Variants in MTM1 observed in about 807,000 individuals in gnomAD.
MTM1 encodes myotubularin 1.
MTM1 carries 9 observed loss-of-function variants against 52.1 expected under a neutral mutation model. That is an observed-to-expected ratio of 0.17 (90% CI 0.10 to 0.30). MTM1 has a LOEUF of 0.30. Ranked by LOEUF, MTM1 falls within the 10% of genes least tolerant of loss-of-function variation. The pLI is 1.00. For synonymous variants in MTM1, 136 were observed against 163.8 expected (o/e 0.83, Z 1.29); for missense variants, 277 against 470.7 (o/e 0.59, Z 3.81).
At chrX:150,590,953 C>A in intron 1 of MTM1, 1 of 572,060 alleles carries the variant, frequency 1.7e-6, no homozygotes, top group Non-Finnish European at 2.1e-6. Flanking sequence ...AATTTCAGAG[C>A]AGATACATCT....
At chrX:150,577,609 A>G (rs1442077587) in intron 1 of MTM1, among the ~76,000 whole-genome samples, 1 of 112,054 alleles carries the variant, frequency 8.9e-6, no homozygotes, top group Non-Finnish European at 1.9e-5. Flanking sequence ...TCTTTTGCCC[A>G]TTTCTTATTA....
chrX:150,654,803 C>T (rs781920873), intron 10 of MTM1, among the ~76,000 whole-genome samples: 31 of 111,575 alleles, frequency 2.8e-4, no homozygotes, highest in African/African-American at 1.0e-3. Flanking sequence ...TTAAAATAAG[C>T]GAATTTCCAT....
rs192705538 is a variant in MTM1 at position 150,664,874 on chromosome X, A to T, written c.1644+1265A>T. 3.0e-3 allele frequency among the ~76,000 whole-genome samples: 332 copies of T among 112,310 alleles called. 1 individual carries two copies. The highest frequency in any genetic ancestry group is 0.018 in the Middle Eastern group (4 of 217). ...GAGAAAGTACGGACAGTTTTTGTGTAAGTCCTGTAATCTCTTCTCACCCAT... is the reference window on the plus strand; with the variant it reads ...GAGAAAGTACGGACAGTTTTTGTGTTAGTCCTGTAATCTCTTCTCACCCAT... On this transcript the variant is annotated intron_variant, in intron 14 of 14. Transcript: ENST00000370396.
At chrX:150,638,633 C>T (rs1315838446) in intron 6 of MTM1, among the ~76,000 whole-genome samples, 1 of 111,458 alleles carries the variant, frequency 9.0e-6, no homozygotes, top group Non-Finnish European at 1.9e-5. Flanking sequence ...ATTGCTAATA[C>T]TGTTTAAAAT....
At chrX:150,581,153 G>T (rs2038576503) in intron 1 of MTM1, among the ~76,000 whole-genome samples, 1 of 112,019 alleles carries the variant, frequency 8.9e-6, no homozygotes, top group African/African-American at 3.2e-5. Flanking sequence ...GGGCACCGGT[G>T]CTGTATGGAG....
At chrX:150,657,643 C>G (rs1327446334) in intron 10 of MTM1, among the ~76,000 whole-genome samples, 178 bp from the exon 11 acceptor site, 4 of 111,261 alleles carry the variant, frequency 3.6e-5, no homozygotes, top group East Asian at 2.8e-4. Context: ...GAAAAGAAAA[C>G]AAATGCAGCG....
intron 2 of MTM1, among the ~76,000 whole-genome samples, chrX:150,592,879 C>T (rs12558776): frequency 0.011 from 1,235 of 108,064 alleles, 9 homozygotes; most frequent in Non-Finnish European, 0.018. Flanking sequence ...AGTCTCGCTC[C>T]GTAGCCCAGG....
chrX:150,570,964 ATAAT>A (rs1447626111), intron 1 of MTM1, among the ~76,000 whole-genome samples: 3 of 112,402 alleles, frequency 2.7e-5, no homozygotes, highest in Admixed American at 9.4e-5. Flanking sequence ...GGTCTGAAAA[ATAAT>A]TAAAGTTACA....
At chrX:150,635,961 A>G (rs2039747728) in intron 6 of MTM1, among the ~76,000 whole-genome samples, 1 of 112,145 alleles carries the variant, frequency 8.9e-6, no homozygotes, top group African/African-American at 3.2e-5. Flanking sequence ...TTAATATTAG[A>G]TGTGTTGCTA....
intron 10 of MTM1, 37 bp from the exon 11 acceptor site, chrX:150,657,784 A>G: frequency 8.7e-7 from 1 of 1,153,761 alleles, no homozygotes; most frequent in Non-Finnish European, 1.2e-6. Context: ...GCAGTATCTT[A>G]TAACTCCCTA....
At chrX:150,644,610 G>T (rs1166143413) in intron 8 of MTM1, among the ~76,000 whole-genome samples, 1 of 111,625 alleles carries the variant, frequency 9.0e-6, no homozygotes, top group Non-Finnish European at 1.9e-5. Context: ...ACATGATTAA[G>T]CTTCTTTCGT....
At chrX:150,613,711 C>T (rs2039332408) in intron 4 of MTM1, among the ~76,000 whole-genome samples, 2 of 111,895 alleles carry the variant, frequency 1.8e-5, no homozygotes, top group Admixed American at 9.5e-5. Flanking sequence ...TGAGATGATG[C>T]GTGCAAAGCC....
At chrX:150,583,705 T>C (rs1312946941) in intron 1 of MTM1, among the ~76,000 whole-genome samples, 1 of 43,343 alleles carries the variant, frequency 2.3e-5, no homozygotes, top group Non-Finnish European at 3.7e-5. Flanking sequence ...TTTATAAATA[T>C]ATAAATTATA....
chrX:150,643,753 A>G lies in MTM1; in HGVS notation c.679-1930A>G, dbSNP rs782563547. 3.5e-3 allele frequency among the ~76,000 whole-genome samples: 392 copies of G among 111,894 alleles called. 3 individuals are homozygous for G. The highest frequency in any genetic ancestry group is 0.012 in the African/African-American group (379 of 30,865). On this transcript the variant is annotated intron_variant, in intron 8 of 14. Transcript: ENST00000370396. ...TTCAGCTTCTGCTTAATCTTTTGCT[A>G]TTGTAAGTAATGCTGTAATAAACAT...
intron 1 of MTM1, among the ~76,000 whole-genome samples, chrX:150,584,684 T>C (rs1483846726): frequency 9.0e-6 from 1 of 110,996 alleles, no homozygotes; most frequent in Non-Finnish European, 1.9e-5. Context: ...AGAAATGAAA[T>C]ACAATCGTCC....
chrX:150,665,151 C>A (rs1557414874), intron 14 of MTM1, among the ~76,000 whole-genome samples: 1 of 111,965 alleles, frequency 8.9e-6, no homozygotes, highest in East Asian at 2.8e-4. Context: ...GATCTATTGG[C>A]ATGAATTCAG....
At chrX:150,569,852 CAT>C (rs1488774316) in intron 1 of MTM1, among the ~76,000 whole-genome samples, 1 of 112,134 alleles carries the variant, frequency 8.9e-6, no homozygotes, top group African/African-American at 3.2e-5. Context: ...CTTCATCCAA[CAT>C]ATATATTGGG....
Position 150,658,136 on chromosome X carries a change from TA to T in MTM1, c.1260+114del, listed in dbSNP as rs2040156495. ...TACAATGAAAATCTGAGGAGTGTAA[TA>T]AAAACTTTACGCGTTTGAAAATGCA... On this transcript the variant is annotated intron_variant, in intron 11 of 14. Transcript: ENST00000370396. 63 of 680,840 alleles carry T rather than the reference TA, an allele frequency of 9.3e-5. No homozygotes were observed. In the South Asian group the frequency reaches 1.6e-3, roughly 18 times the overall value. 56.1% of individuals were successfully genotyped at this position (680,840 alleles called of 1,213,427 possible). A position where few individuals can be genotyped will look rare whatever the true frequency, so the allele number is the denominator to read the frequency against.
chrX:150,570,023 A>G (rs2038339303), intron 1 of MTM1, among the ~76,000 whole-genome samples: 1 of 112,029 alleles, frequency 8.9e-6, no homozygotes, highest in Non-Finnish European at 1.9e-5. Context: ...TTGAGGGTGG[A>G]TAACATTCAC....
Sources: allele counts gnomAD v4.1 joint callset (sites outside exome capture counted in the v4.1 genomes callset), GRCh38; gene constraint gnomAD v4.1.1; transcripts MANE v1.5; gene names NCBI Gene and HGNC (gene_info 2026-07-23, HGNC 2026-07-21).